The following CDH13 variants were observed in gnomAD, a reference collection of about 807,000 sequenced individuals.
CDH13 encodes the protein cadherin 13, also known as cadherin-13.
In CDH13, 24 loss-of-function variants were observed where a neutral mutation model predicts 63.8. The observed-to-expected ratio is 0.38, with a 90% CI of 0.27 to 0.53. The LOEUF (loss-of-function observed/expected upper bound fraction) is 0.53. Ranked by LOEUF, CDH13 falls within the 20% of genes least tolerant of loss-of-function variation. The pLI is 0.85. For synonymous variants in CDH13, 503 were observed against 355.3 expected, an observed-to-expected ratio of 1.42 and a Z score of -4.67; for missense variants, 1,049 against 903.1, an observed-to-expected ratio of 1.16 and a Z score of -2.07.
chr16:82,716,539 C>A (rs373007286), intron 1 of CDH13, among the ~76,000 whole-genome samples: 2 of 149,724 alleles, frequency 1.3e-5, no homozygotes, highest in African/African-American at 4.9e-5. Context: ...GTGGAGGAAT[C>A]GGGGTTATTT....
chr16:82,982,491 C>T (rs1910403363), intron 2 of CDH13, among the ~76,000 whole-genome samples: 1 of 152,098 alleles, frequency 6.6e-6, no homozygotes, highest in Non-Finnish European at 1.5e-5. Context: ...TTGCCTTTTT[C>T]CTGTATCCCT....
chr16:83,660,672 C>G (rs1913354487), intron 8 of CDH13, among the ~76,000 whole-genome samples: 1 of 152,202 alleles, frequency 6.6e-6, no homozygotes, highest in African/African-American at 2.4e-5. Flanking sequence ...TTGCATAAGC[C>G]AAACTCCAGT....
intron 2 of CDH13, among the ~76,000 whole-genome samples, chr16:82,946,780 A>G (rs1183370189): frequency 1.3e-5 from 2 of 152,186 alleles, no homozygotes; most frequent in East Asian, 3.8e-4. Context: ...AAGGCAACAT[A>G]TCTGATTTAT....
intron 6 of CDH13, among the ~76,000 whole-genome samples, chr16:83,370,345 G>A (rs796779796): frequency 3.4e-5 from 5 of 145,732 alleles, no homozygotes; most frequent in South Asian, 2.2e-4. Flanking sequence ...CCAAGGCTGC[G>A]CCACTGCACT....
At chr16:83,140,856 G>C (rs752268481) in intron 4 of CDH13, among the ~76,000 whole-genome samples, 6 of 152,216 alleles carry the variant, frequency 3.9e-5, no homozygotes, top group Non-Finnish European at 8.8e-5. Context: ...GGAACGGACT[G>C]ACCCAAGGTT....
At chr16:82,721,892 C>T (rs1382846027) in intron 1 of CDH13, among the ~76,000 whole-genome samples, 1 of 152,078 alleles carries the variant, frequency 6.6e-6, no homozygotes, top group African/African-American at 2.4e-5. Context: ...TTAGACTACA[C>T]TATGCTGTGG....
chr16:83,570,582 G>T (rs2150704571), intron 7 of CDH13, among the ~76,000 whole-genome samples: 1 of 151,856 alleles, frequency 6.6e-6, no homozygotes, highest in East Asian at 1.9e-4. Flanking sequence ...CTAGCACAGT[G>T]TATGCAATCA....
At chr16:82,732,710 C>A (rs927704654) in intron 1 of CDH13, among the ~76,000 whole-genome samples, 2 of 152,184 alleles carry the variant, frequency 1.3e-5, no homozygotes, top group Non-Finnish European at 2.9e-5. Context: ...TATCTAACCA[C>A]TGATTTCCAA....
chr16:83,039,886 T>C (rs1917188834), intron 3 of CDH13, among the ~76,000 whole-genome samples: 1 of 152,150 alleles, frequency 6.6e-6, no homozygotes, highest in African/African-American at 2.4e-5. Context: ...GCACCATTGA[T>C]GCTTCAGAAC....
intron 4 of CDH13, among the ~76,000 whole-genome samples, chr16:83,198,723 A>C (rs555157076): frequency 6.6e-6 from 1 of 152,262 alleles, no homozygotes; most frequent in South Asian, 2.1e-4. Context: ...AGTCTGTTGT[A>C]TGGGAACAGG....
Position 82,898,955 on chromosome 16 carries a change from A to C in CDH13, c.157+40482A>C, listed in dbSNP as rs528030306. Among the ~76,000 whole-genome samples, 72 of 152,354 alleles carry C rather than the reference A, an allele frequency of 4.7e-4. 1 individual carries two copies. In the South Asian group the frequency reaches 0.014, roughly 31 times the overall value. On this transcript the variant is annotated intron_variant, in intron 2 of 13. Coordinates refer to ENST00000567109, the MANE Select transcript of CDH13 (RefSeq NM_001257.5). ...TATGGGCTTCCCTGGAAGGGGCAAA[A>C]CCTTGGATGAGGCAGCTCTCTGCAG...
At chr16:83,622,067 A>C (rs1280967968) in intron 8 of CDH13, among the ~76,000 whole-genome samples, 1 of 152,182 alleles carries the variant, frequency 6.6e-6, no homozygotes, top group African/African-American at 2.4e-5. Flanking sequence ...CATCCATATA[A>C]ATAACTTTTC....
In CDH13 at chr16:83,298,189, G is replaced by C. The variant is rs1234583170; in HGVS notation, c.637-46673G>C. Among the ~76,000 whole-genome samples, 11 of 152,206 alleles carry C rather than the reference G, an allele frequency of 7.2e-5. 1 individual carries two copies. In the East Asian group the frequency reaches 2.1e-3, roughly 29 times the overall value. On this transcript the variant is annotated intron_variant, in intron 5 of 13. Transcript: ENST00000567109. ...GCCCAAGAGGTCGAGGCTGTAGCGA[G>C]CAATGATCGCCCCACTGCACTCCAG...
intron 1 of CDH13, among the ~76,000 whole-genome samples, chr16:82,775,439 T>A (rs1269980427): frequency 6.6e-6 from 1 of 152,246 alleles, no homozygotes; most frequent in Non-Finnish European, 1.5e-5. Flanking sequence ...TAAAATGGTG[T>A]GGGATCACAC....
chr16:83,181,333 T>A (rs542921594), intron 4 of CDH13, among the ~76,000 whole-genome samples: 1 of 152,316 alleles, frequency 6.6e-6, no homozygotes, highest in East Asian at 1.9e-4. Context: ...ACATTTGGAT[T>A]TGATAAGTCT....
Position 83,423,226 on chromosome 16 carries a change from C to G in CDH13, c.782-63251C>G, listed in dbSNP as rs923928701. 1.3e-5 allele frequency among the ~76,000 whole-genome samples: 2 copies of G among 152,280 alleles called. 1 individual carries two copies. ...AAGAATTGTGTAAGTCCTCAGTAGC[C>G]TCTAAAGTATTTCAGGCATTTTCAA... On this transcript the variant is annotated intron_variant, in intron 6 of 13. Coordinates refer to ENST00000567109, the MANE Select transcript of CDH13 (RefSeq NM_001257.5).
At chr16:83,098,201 C>T (rs2034298415) in intron 3 of CDH13, among the ~76,000 whole-genome samples, 1 of 152,196 alleles carries the variant, frequency 6.6e-6, no homozygotes, top group Non-Finnish European at 1.5e-5. Flanking sequence ...TAGTATACAT[C>T]TTTAACTTAT....
At chr16:83,095,378 G>T (rs1257643953) in intron 3 of CDH13, among the ~76,000 whole-genome samples, 1 of 152,072 alleles carries the variant, frequency 6.6e-6, no homozygotes, top group Non-Finnish European at 1.5e-5. Context: ...CTTACTAAAT[G>T]CCATATGGTT....
intron 9 of CDH13, 29 bp downstream of exon 9, chr16:83,671,001 C>G: frequency 6.5e-7 from 1 of 1,548,530 alleles, no homozygotes; most frequent in Non-Finnish European, 8.7e-7. Flanking sequence ...GCCTCTTTCT[C>G]CTCATGCGAG....
Sources: gnomAD v4.1 joint callset for allele counts (sites outside exome capture counted in the v4.1 genomes callset) on GRCh38, gnomAD v4.1.1 for gene constraint, MANE v1.5 for transcripts, NCBI Gene and HGNC (gene_info 2026-07-23, HGNC 2026-07-21) for gene names.